Variants in CSMD1 observed in about 807,000 individuals in gnomAD.
The protein encoded by CSMD1 is CUB and sushi domain-containing protein 1.
In CSMD1, 213 loss-of-function variants were observed where a neutral mutation model predicts 417.5. That is an observed-to-expected ratio of 0.51 (90% CI 0.46 to 0.57). The LOEUF is 0.57. Among genes scored for constraint, CSMD1 ranks in the 20% least tolerant of loss-of-function variants. The pLI is 0.00. For synonymous variants in CSMD1, 2,862 were observed against 1,736.8 expected (o/e 1.65, Z -16.11); for missense variants, 6,923 against 4,529.7 (o/e 1.53, Z -15.17).
intron 3 of CSMD1, among the ~76,000 whole-genome samples, chr8:4,075,732 T>A (rs190782451): frequency 1.3e-5 from 2 of 152,274 alleles, no homozygotes; most frequent in Non-Finnish European, 2.9e-5. Flanking sequence ...GTTTGCATGT[T>A]CTCAGGTTGT....
chr8:3,544,260 T>C (rs1355065361), intron 10 of CSMD1, among the ~76,000 whole-genome samples: 1 of 152,148 alleles, frequency 6.6e-6, no homozygotes, highest in Non-Finnish European at 1.5e-5. Flanking sequence ...TCCTGATACC[T>C]TGAAAAAAGA....
intron 13 of CSMD1, among the ~76,000 whole-genome samples, chr8:3,408,657 C>G (rs1442727082): frequency 9.9e-5 from 15 of 151,820 alleles, no homozygotes; most frequent in Admixed American, 2.6e-4. Flanking sequence ...TGCATTTTCT[C>G]CAGTAATTTA....
intron 12 of CSMD1, among the ~76,000 whole-genome samples, chr8:3,436,703 G>A (rs747202543): frequency 7.1e-4 from 108 of 152,078 alleles, no homozygotes; most frequent in African/African-American, 1.2e-3. Flanking sequence ...CCTTAGAAAC[G>A]CTTTCTGAGT....
intron 7 of CSMD1, among the ~76,000 whole-genome samples, chr8:3,645,495 T>TGGGGAAGGGG (rs35575894): frequency 6.6e-6 from 1 of 151,572 alleles, no homozygotes; most frequent in Non-Finnish European, 1.5e-5. Flanking sequence ...GTGGAAGAAA[T>TGGGGAAGGGG]GGGGAAGGGG....
chr8:4,239,997 A>T (rs1714689), intron 3 of CSMD1, among the ~76,000 whole-genome samples: 5 of 152,038 alleles, frequency 3.3e-5, no homozygotes, highest in Non-Finnish European at 7.4e-5. Flanking sequence ...AAAATACATA[A>T]GGCGTGTTCT....
chr8:4,192,197 C>G (rs559035176), intron 3 of CSMD1, among the ~76,000 whole-genome samples: 9 of 152,186 alleles, frequency 5.9e-5, no homozygotes, highest in East Asian at 1.9e-4. Flanking sequence ...CTTTAAAAAT[C>G]AAAGTTAAAA....
intron 1 of CSMD1, among the ~76,000 whole-genome samples, chr8:4,652,462 G>C (rs909810339): frequency 6.6e-6 from 1 of 152,032 alleles, no homozygotes; most frequent in South Asian, 2.1e-4. Context: ...AGTGCATGCA[G>C]CCTACCAGAA....
rs147087220 is a variant in CSMD1, at chr8:3,733,978, G to A, written c.931+19952C>T. On this transcript the variant is annotated intron_variant, in intron 6 of 69. Coordinates refer to ENST00000635120, the MANE Select transcript of CSMD1 (RefSeq NM_033225.6). ...CTGAAACTTATCCTTCAAGGATAAG[G>A]GGGGGATGTCTGTACGTGTGCAAGG... Among the ~76,000 whole-genome samples the A allele has an allele frequency of 2.9e-3, 440 of 152,162 alleles. 4 individuals are homozygous for A. Among genetic ancestry groups the A allele is most frequent in the African/African-American group, 0.01 (424 of 41,526 alleles).
intron 1 of CSMD1, among the ~76,000 whole-genome samples, chr8:4,685,734 T>C (rs950921713): frequency 1.3e-5 from 2 of 152,190 alleles, no homozygotes; most frequent in African/African-American, 4.8e-5. Flanking sequence ...AACATTCTTT[T>C]TAAGAAATTA....
chr8:3,572,714 G>C (rs757864248), intron 10 of CSMD1, among the ~76,000 whole-genome samples: 1 of 152,232 alleles, frequency 6.6e-6, no homozygotes, highest in East Asian at 1.9e-4. Flanking sequence ...TTCTGGTCTC[G>C]ATCACATCTC....
intron 4 of CSMD1, among the ~76,000 whole-genome samples, chr8:4,000,929 G>A (rs1009779593): frequency 1.3e-5 from 2 of 151,926 alleles, no homozygotes; most frequent in African/African-American, 4.8e-5. Flanking sequence ...TTACCAAAAT[G>A]ATGTAGTTGA....
rs1031675047 is a variant in CSMD1, at chr8:4,389,037, G to C, written c.415+30916C>G. On this transcript the variant is annotated intron_variant, in intron 3 of 69. Transcript: ENST00000635120. ...CTAACCAGCATTAAGTAAGCATGCAGTTAGTCTGGTCTTATTTTACATTTG... is the reference window on the plus strand; with the variant it reads ...CTAACCAGCATTAAGTAAGCATGCACTTAGTCTGGTCTTATTTTACATTTG... Among the ~76,000 whole-genome samples, 12 of 152,156 alleles carry C rather than the reference G, an allele frequency of 7.9e-5. No individual in the cohort carries two copies. The East Asian group carries it at 2.1e-3, about 27-fold the overall frequency.
chr8:3,663,677 T>C (rs1396688081), intron 7 of CSMD1, among the ~76,000 whole-genome samples: 7 of 152,210 alleles, frequency 4.6e-5, no homozygotes, highest in African/African-American at 2.4e-5. Context: ...TTTCTACCTA[T>C]GAACTGGAAA....
intron 1 of CSMD1, among the ~76,000 whole-genome samples, chr8:4,662,009 T>C (rs1466676225): frequency 6.6e-6 from 1 of 152,190 alleles, no homozygotes; most frequent in Admixed American, 6.5e-5. Flanking sequence ...CAATGTTTGA[T>C]GAACAATTAT....
chr8:3,746,984 A>G (rs1179978347), intron 6 of CSMD1, among the ~76,000 whole-genome samples: 3 of 152,244 alleles, frequency 2.0e-5, no homozygotes, highest in African/African-American at 4.8e-5. Flanking sequence ...AATTACAGCT[A>G]TCCGAAAAAG....
intron 6 of CSMD1, among the ~76,000 whole-genome samples, chr8:3,724,192 C>G (rs34068138): frequency 0.69 from 74,113 of 106,976 alleles, 26,695 homozygotes; most frequent in South Asian, 0.86. Flanking sequence ...ACCTCTTTTA[C>G]TACTTTTTTT....
At chr8:3,772,307 T>TTATA (rs1563063869) in intron 5 of CSMD1, among the ~76,000 whole-genome samples, 4 of 124,654 alleles carry the variant, frequency 3.2e-5, no homozygotes, top group African/African-American at 1.2e-4. Flanking sequence ...GTACATATAT[T>TTATA]TAGACATACA....
chr8:4,213,273 T>A (rs139083466), intron 3 of CSMD1, among the ~76,000 whole-genome samples: 2 of 152,164 alleles, frequency 1.3e-5, no homozygotes, highest in African/African-American at 4.8e-5. Context: ...GGCGGGGTCC[T>A]GTCAGGTCTA....
intron 18 of CSMD1, among the ~76,000 whole-genome samples, chr8:3,369,839 T>C (rs768448997): frequency 3.9e-5 from 6 of 152,240 alleles, no homozygotes; most frequent in Non-Finnish European, 7.3e-5. Flanking sequence ...CTGCAGAATA[T>C]GGGAGCTTAA....
Sources: gnomAD v4.1 joint callset for allele counts (sites outside exome capture counted in the v4.1 genomes callset) on GRCh38, gnomAD v4.1.1 for gene constraint, MANE v1.5 for transcripts, NCBI Gene and HGNC (gene_info 2026-07-23, HGNC 2026-07-21) for gene names.